ZNF845: variants seen among roughly 807,000 people sequenced by gnomAD.
The protein encoded by ZNF845 is zinc finger protein 845.
ZNF845 carries 59 observed loss-of-function variants against 76.1 expected under a neutral mutation model. That is an observed-to-expected ratio of 0.78 (90% CI 0.63 to 0.96). The LOEUF is 0.96. Among genes scored for constraint, ZNF845 ranks in the 40% least tolerant of loss-of-function variants. The pLI is 0.00. For synonymous variants in ZNF845, 361 were observed against 386.9 expected (o/e 0.93, Z 0.78); for missense variants, 1,045 against 1,172.8 (o/e 0.89, Z 1.59).
intron 1 of ZNF845, among the ~76,000 whole-genome samples, chr19:53,338,824 T>C (rs2085235792): frequency 6.6e-6 from 1 of 151,520 alleles, no homozygotes; most frequent in Non-Finnish European, 1.5e-5. Context: ...CTCACGCCTG[T>C]AGTCCTACAG....
rs1309867910 is a variant in ZNF845 at position 53,351,642 on chromosome 19, G to A, written c.967G>A (p.Gly323Arg). The change falls in exon 4 of 4, where the codon GGA becomes AGA. Residue 323 changes from glycine to arginine, a missense_variant. Physicochemically the swap from Gly to Arg is moderately radical, Grantham distance 125 (BLOSUM62 -2). Transcript: ENST00000458035. ...TGTAATTCATAAGGCAATTCATACTGGAGAGAAATCTTACAAGTGTAATGA... is the reference window on the plus strand; with the variant it reads ...TGTAATTCATAAGGCAATTCATACTAGAGAGAAATCTTACAAGTGTAATGA... ...ALVIHKAIHT[G>R]EKSYKCNECG... 3 of 1,613,954 alleles carry A rather than the reference G, an allele frequency of 1.9e-6. No homozygotes were observed. Among genetic ancestry groups the A allele is most frequent in the East Asian group, 2.2e-5 (1 of 44,900 alleles).
chr19:53,334,053 T>C (rs2085194769), intron 1 of ZNF845, among the ~76,000 whole-genome samples: 1 of 152,226 alleles, frequency 6.6e-6, no homozygotes, highest in African/African-American at 2.4e-5. Context: ...TCAAAACCTT[T>C]TTCTGACTCC....
rs1254453861 is a variant in ZNF845 at position 53,353,444 on chromosome 19, C to G, written c.2769C>G (p.Thr923=). The change falls in exon 4 of 4, where the codon ACC becomes ACG. Residue 923 remains threonine (T), a synonymous_variant. Coordinates refer to ENST00000458035, the MANE Select transcript of ZNF845 (RefSeq NM_138374.3). The part of the protein sequence containing the change: ...KPYKCNECGK[T]FRHNSVLVIH... ...ACAAGTGTAATGAGTGTGGCAAAAC[C>G]TTCCGTCACAATTCAGTCCTTGTAA... is the stretch of plus-strand genomic sequence containing the variant. The G allele has an allele frequency of 6.2e-7, 1 of 1,613,214 alleles. No homozygotes were observed. The highest frequency in any genetic ancestry group is 8.5e-7 in the Non-Finnish European group (1 of 1,179,806).
intron 1 of ZNF845, among the ~76,000 whole-genome samples, chr19:53,338,779 A>T (rs1354484378): frequency 1.3e-5 from 2 of 151,924 alleles, no homozygotes; most frequent in Non-Finnish European, 2.9e-5. Context: ...GAAGGTCAAG[A>T]TGCTATAATG....
At chr19:53,349,439 T>A (rs1460449370) in intron 3 of ZNF845, among the ~76,000 whole-genome samples, 2 of 151,574 alleles carry the variant, frequency 1.3e-5, no homozygotes, top group Admixed American at 6.7e-5. Context: ...TAATTTTTTT[T>A]TTTTATTTTT....
intron 2 of ZNF845, among the ~76,000 whole-genome samples, chr19:53,345,200 C>T (rs62115321): frequency 0.11 from 17,121 of 152,054 alleles, 1,040 homozygotes; most frequent in Middle Eastern, 0.21. Context: ...CCTGTAATTC[C>T]AGCTACTCAT....
rs1236566080 is a variant in ZNF845, at chr19:53,356,104, TG to T, written c.*2517del. 1 of 152,226 alleles carries T rather than the reference TG, an allele frequency of 6.6e-6. No individual in the cohort carries two copies. Among genetic ancestry groups the T allele is most frequent in the African/African-American group, 2.4e-5 (1 of 41,466 alleles). The allele number at this position is 152,226 out of a possible 1,614,324, so 9.4% of individuals were successfully genotyped here. Reference sequence around the variant, plus strand: ...ATTTGTGCATAAATTTCACACTTTTTGTACCAAAATAAACCAGTATAAACTT... The same window carrying T: ...ATTTGTGCATAAATTTCACACTTTTTTACCAAAATAAACCAGTATAAACTT... On this transcript the variant is annotated 3_prime_UTR_variant, in exon 4 of 4. Transcript: ENST00000458035.
intron 3 of ZNF845, among the ~76,000 whole-genome samples, chr19:53,346,543 C>T (rs894335075): frequency 2.6e-5 from 4 of 152,260 alleles, no homozygotes; most frequent in Admixed American, 6.5e-5. Flanking sequence ...TAGCCAGACA[C>T]GATGGTGGGT....
At chr19:53,349,023 A>AT (rs71337411) in intron 3 of ZNF845, among the ~76,000 whole-genome samples, 38 of 150,386 alleles carry the variant, frequency 2.5e-4, no homozygotes, top group African/African-American at 8.3e-4. Context: ...TGCCCAGCTA[A>AT]TTTTTTTTGC....
intron 3 of ZNF845, among the ~76,000 whole-genome samples, chr19:53,350,395 G>A (rs2085324661): frequency 6.6e-6 from 1 of 152,092 alleles, no homozygotes; most frequent in Admixed American, 6.6e-5. Context: ...GCTTGTTGTG[G>A]ATTATTTACC....
intron 1 of ZNF845, among the ~76,000 whole-genome samples, chr19:53,337,953 G>C (rs1357607184): frequency 6.6e-6 from 1 of 152,068 alleles, no homozygotes; most frequent in Non-Finnish European, 1.5e-5. Context: ...CGTCTGCCTA[G>C]GCCTACCCGT....
At position 53,353,266 on chromosome 19, in the gene ZNF845, G is replaced by A. The variant is rs764080433; in HGVS notation, c.2591G>A (p.Cys864Tyr). 8 of 1,613,730 alleles carry A rather than the reference G, an allele frequency of 5.0e-6. No individual in the cohort carries two copies. In the East Asian group the frequency reaches 1.1e-4, roughly 22 times the overall value. Reference sequence around the variant, plus strand: ...GAAAAACCTTACAAGTGTAGTGAATGTGGCAAGGTTTTTAATAGAAAAGCA... The same window carrying A: ...GAAAAACCTTACAAGTGTAGTGAATATGGCAAGGTTTTTAATAGAAAAGCA... ...TGEKPYKCSE[C>Y]GKVFNRKANL... The change falls in exon 4 of 4, where the codon TGT becomes TAT. Residue 864 changes from cysteine (C) to tyrosine (Y), a missense_variant. By Grantham distance (194) the Cys-to-Tyr change is radical. Coordinates refer to ENST00000458035, the MANE Select transcript of ZNF845 (RefSeq NM_138374.3).
chr19:53,341,028 C>T (rs1312019425), intron 1 of ZNF845: 12 of 537,234 alleles, frequency 2.2e-5, no homozygotes, highest in Non-Finnish European at 3.3e-5. Context: ...ACACCCTCAC[C>T]CCCTCCTCTG....
In ZNF845 at chr19:53,351,333, A is replaced by C; in HGVS notation, c.658A>C (p.Ser220Arg). The stretch of plus-strand genomic sequence containing the variant: ...AGAAAAATCTTTCCAATGTAATGAG[A>C]GTGGCAAAGCCTTTAATTATAGCTC... ...MREKSFQCNE[S>R]GKAFNYSSVL... The change falls in exon 4 of 4, where the codon AGT becomes CGT. Residue 220 changes from serine to arginine, a missense_variant. Transcript: ENST00000458035. 2 of 1,614,236 alleles carry C rather than the reference A, an allele frequency of 1.2e-6. No homozygotes were observed. The highest frequency in any genetic ancestry group is 2.7e-5 in the African/African-American group (2 of 75,074).
chr19:53,343,329 G>A (rs1336227670), intron 2 of ZNF845, among the ~76,000 whole-genome samples: 2 of 152,198 alleles, frequency 1.3e-5, no homozygotes, highest in African/African-American at 2.4e-5. Flanking sequence ...TGGATGACCT[G>A]TGTGTTCTTT....
At chr19:53,350,258 TG>T (rs1407309255) in intron 3 of ZNF845, among the ~76,000 whole-genome samples, 3 of 152,122 alleles carry the variant, frequency 2.0e-5, no homozygotes, top group Non-Finnish European at 2.9e-5. Flanking sequence ...CTCAGCCTCC[TG>T]AGTAGCTGGG....
rs1348742460 is a variant in ZNF845 at position 53,352,672 on chromosome 19, A to G, written c.1997A>G (p.Asn666Ser). 1.5e-5 allele frequency: 24 copies of G among 1,613,960 alleles called. No homozygotes were observed. The highest frequency in any genetic ancestry group is 1.9e-5 in the Non-Finnish European group (23 of 1,179,904). Residue 666 changes from asparagine to serine, a missense_variant, in exon 4 of 4, where the codon AAT (asparagine) becomes AGT (serine). Physicochemically the swap from Asn to Ser is conservative, Grantham distance 46. Coordinates refer to ENST00000458035, the MANE Select transcript of ZNF845 (RefSeq NM_138374.3). ...ACTGGAGAGAAACCTTACAGGTGTA[A>G]TGAATGTGGCAAGACCTTTAGTCGG... The part of the protein sequence containing the change: ...IHTGEKPYRC[N>S]ECGKTFSRKS...
chr19:53,352,238 A>G lies in ZNF845; in HGVS notation c.1563A>G (p.Lys521=), dbSNP rs2085344626. The change falls in exon 4 of 4, where the codon AAA becomes AAG. Residue 521 remains lysine (K), a synonymous_variant. Coordinates refer to ENST00000458035, the MANE Select transcript of ZNF845 (RefSeq NM_138374.3). ...ERHRIIHTGE[K]LYKCNECGKT... ...ATAGGATAATTCATACTGGAGAGAA[A>G]CTTTACAAGTGTAATGAATGTGGCA... The G allele has an allele frequency of 6.2e-7, 1 of 1,613,712 alleles. No homozygotes were observed. The highest frequency in any genetic ancestry group is 1.1e-5 in the South Asian group (1 of 91,040).
At chr19:53,340,968 C>T in intron 1 of ZNF845, 1 of 451,290 alleles carries the variant, frequency 2.2e-6, no homozygotes, top group South Asian at 4.5e-5. Flanking sequence ...TCTGATATCA[C>T]CTTCTCAGTG....
Sources: gnomAD v4.1 joint callset for allele counts (sites outside exome capture counted in the v4.1 genomes callset) on GRCh38, gnomAD v4.1.1 for gene constraint, MANE v1.5 for transcripts, NCBI Gene and HGNC (gene_info 2026-07-23, HGNC 2026-07-21) for gene names.